The following TMEM178B variants were observed in gnomAD, a reference collection of about 807,000 sequenced individuals.
The protein encoded by TMEM178B is transmembrane protein 178B.
Under a neutral mutation model 31.0 loss-of-function variants are expected in TMEM178B, and 5 were observed. The ratio of observed to expected loss-of-function variants is 0.16; its 90% confidence interval spans 0.08 to 0.34. The LOEUF is 0.34. Ranked by LOEUF, TMEM178B falls within the 10% of genes least tolerant of loss-of-function variation. TMEM178B has a pLI of 1.00. For missense variants in TMEM178B, 275 were observed against 400.3 expected (o/e 0.69, Z 2.67); for synonymous variants, 164 against 164.0 (o/e 1.00, Z 0.00).
At chr7:141,312,617 C>G (rs187677210) in intron 2 of TMEM178B, among the ~76,000 whole-genome samples, 1 of 152,334 alleles carries the variant, frequency 6.6e-6, no homozygotes, top group East Asian at 1.9e-4. Flanking sequence ...CCCCAGTATT[C>G]AACTCGCAAA....
At chr7:141,363,620 C>T (rs903888593) in intron 2 of TMEM178B, among the ~76,000 whole-genome samples, 4 of 152,112 alleles carry the variant, frequency 2.6e-5, no homozygotes, top group Non-Finnish European at 4.4e-5. Flanking sequence ...TGGTGTGTCA[C>T]GAAGAATTAT....
chr7:141,406,020 G>T (rs932577375), intron 2 of TMEM178B, among the ~76,000 whole-genome samples: 2 of 152,126 alleles, frequency 1.3e-5, no homozygotes, highest in East Asian at 3.8e-4. Flanking sequence ...CTAAAACTGG[G>T]CTGTTCAGGT....
chr7:141,351,460 G>A (rs1017902933), intron 2 of TMEM178B, among the ~76,000 whole-genome samples: 2 of 152,262 alleles, frequency 1.3e-5, no homozygotes, highest in African/African-American at 4.8e-5. Context: ...GAGAGCAGCA[G>A]TGTGTGAGGC....
At chr7:141,269,583 A>G (rs1382174132) in intron 2 of TMEM178B, among the ~76,000 whole-genome samples, 4 of 152,174 alleles carry the variant, frequency 2.6e-5, no homozygotes, top group African/African-American at 7.2e-5. Flanking sequence ...AATGAAGCTT[A>G]TATTTTTTAT....
intron 2 of TMEM178B, among the ~76,000 whole-genome samples, chr7:141,284,622 G>T (rs1183010806): frequency 6.6e-6 from 1 of 152,146 alleles, no homozygotes; most frequent in African/African-American, 2.4e-5. Context: ...AGAATTGAAA[G>T]TGAAAGTGGC....
chr7:141,198,724 A>G (rs1456739732), intron 1 of TMEM178B, among the ~76,000 whole-genome samples: 1 of 152,080 alleles, frequency 6.6e-6, no homozygotes, highest in Non-Finnish European at 1.5e-5. Context: ...GCATGAGCTC[A>G]TTGTTTTCCA....
At chr7:141,336,036 A>T (rs1799380222) in intron 2 of TMEM178B, among the ~76,000 whole-genome samples, 1 of 152,178 alleles carries the variant, frequency 6.6e-6, no homozygotes, top group Non-Finnish European at 1.5e-5. Context: ...ATTGTAATTT[A>T]AAATGTTTGA....
At chr7:141,486,000 T>A in the TMEM178B span, among the ~76,000 whole-genome samples, 8 of 152,224 alleles carry the variant, frequency 5.3e-5, no homozygotes. Context: ...GCAACCTACA[T>A]GTCCATCAAC....
Position 141,434,531 on chromosome 7 carries a change from C to T in TMEM178B, c.497-3077C>T, listed in dbSNP as rs749358874. Among the ~76,000 whole-genome samples, 19 of 152,172 alleles carry T rather than the reference C, an allele frequency of 1.2e-4. 1 individual carries two copies. The highest frequency in any genetic ancestry group is 3.4e-3 in the Middle Eastern group (1 of 294). On this transcript the variant is annotated intron_variant, in intron 2 of 3. Transcript: ENST00000565468. Reference sequence around the variant, plus strand: ...CAGATATTTGTACATTTTTGGGATACGTGTGATATTCTGATAAATGCATAG... The same window carrying T: ...CAGATATTTGTACATTTTTGGGATATGTGTGATATTCTGATAAATGCATAG...
intron 2 of TMEM178B, among the ~76,000 whole-genome samples, chr7:141,329,019 C>G (rs1044740540): frequency 2.2e-4 from 33 of 152,076 alleles, no homozygotes; most frequent in Non-Finnish European, 2.5e-4. Flanking sequence ...ACATGTCCCC[C>G]CCAGTCTATA....
chr7:141,319,254 G>A (rs1022782305), intron 2 of TMEM178B, among the ~76,000 whole-genome samples: 1 of 152,192 alleles, frequency 6.6e-6, no homozygotes, highest in African/African-American at 2.4e-5. Context: ...CACAGCCCTG[G>A]CCAGAACCTT....
intron 1 of TMEM178B, among the ~76,000 whole-genome samples, chr7:141,105,070 AT>A (rs1483318638): frequency 3.3e-5 from 5 of 152,134 alleles, no homozygotes; most frequent in African/African-American, 1.2e-4. Flanking sequence ...GTGGCCTTTC[AT>A]CCCAAAGTTG....
chr7:141,269,552 C>CT (rs1201157410), intron 2 of TMEM178B, among the ~76,000 whole-genome samples: 4 of 152,102 alleles, frequency 2.6e-5, no homozygotes, highest in Non-Finnish European at 4.4e-5. Flanking sequence ...GTATCTTGAG[C>CT]TTGATGGAGC....
At chr7:141,271,041 T>C (rs1798172557) in intron 2 of TMEM178B, among the ~76,000 whole-genome samples, 1 of 152,188 alleles carries the variant, frequency 6.6e-6, no homozygotes, top group Non-Finnish European at 1.5e-5. Flanking sequence ...CAATATGGGC[T>C]CTAGAAGTCT....
At chr7:141,348,098 CA>C (rs1478391698) in intron 2 of TMEM178B, among the ~76,000 whole-genome samples, 1 of 152,194 alleles carries the variant, frequency 6.6e-6, no homozygotes, top group Non-Finnish European at 1.5e-5. Context: ...GAGATTTTAT[CA>C]GCCAGGTTAT....
At chr7:141,412,000 A>G (rs1800999110) in intron 2 of TMEM178B, among the ~76,000 whole-genome samples, 1 of 152,218 alleles carries the variant, frequency 6.6e-6, no homozygotes, top group East Asian at 1.9e-4. Context: ...TGGACTCTGC[A>G]GAAACTGTGA....
chr7:141,374,366 GCACACACACATGCA>G (rs1563165145), intron 2 of TMEM178B, among the ~76,000 whole-genome samples: 1 of 151,824 alleles, frequency 6.6e-6, no homozygotes, highest in East Asian at 1.9e-4. Context: ...ACTTATTTAG[GCACACACACATGCA>G]CACACACACA....
At chr7:141,192,461 G>A (rs1796712134) in intron 1 of TMEM178B, among the ~76,000 whole-genome samples, 2 of 151,796 alleles carry the variant, frequency 1.3e-5, no homozygotes, top group African/African-American at 4.8e-5. Context: ...TGAGAGATGG[G>A]AAGGAATGGG....
chr7:141,481,117 A>T (rs543637648), downstream of TMEM178B, among the ~76,000 whole-genome samples: 1 of 152,212 alleles, frequency 6.6e-6, no homozygotes, highest in South Asian at 2.1e-4. Flanking sequence ...ACCACAGCTC[A>T]CCCGGCTGCT....
Sources: allele counts gnomAD v4.1 joint callset (sites outside exome capture counted in the v4.1 genomes callset), GRCh38; gene constraint gnomAD v4.1.1; transcripts MANE v1.5; gene names NCBI Gene and HGNC (gene_info 2026-07-23, HGNC 2026-07-21).